Variants in TBC1D14 observed in about 807,000 individuals in gnomAD.
TBC1D14 encodes the protein TBC1 domain family, member 14.
TBC1D14 carries 26 observed loss-of-function variants against 79.0 expected under a neutral mutation model. That is an observed-to-expected ratio of 0.33 (90% CI 0.24 to 0.46). TBC1D14 has a LOEUF of 0.46. TBC1D14 is among the 20% of genes least tolerant of loss of function. TBC1D14 has a pLI of 1.00. For synonymous variants in TBC1D14, 394 were observed against 349.9 expected, an observed-to-expected ratio of 1.13 and a Z score of -1.40; for missense variants, 769 against 887.6, an observed-to-expected ratio of 0.87 and a Z score of 1.70.
Position 7,007,155 on chromosome 4 carries a change from G to A in TBC1D14, c.1446+429G>A, listed in dbSNP as rs189466682. On this transcript the variant is annotated intron_variant, in intron 9 of 13. Coordinates refer to ENST00000409757, the MANE Select transcript of TBC1D14 (RefSeq NM_020773.3). Reference sequence around the variant, plus strand: ...CAGTGCAGTGAGCCCGTGTGAGAAAGGGAAATCCCTGGCAGCCTGGGTGGG... The same window carrying A: ...CAGTGCAGTGAGCCCGTGTGAGAAAAGGAAATCCCTGGCAGCCTGGGTGGG... Among the ~76,000 whole-genome samples the A allele has an allele frequency of 4.2e-4, 64 of 152,306 alleles. 1 individual carries two copies. The East Asian group carries it at 0.012, about 29-fold the overall frequency.
chr4:6,921,182 G>T (rs1386722936), intron 1 of TBC1D14, among the ~76,000 whole-genome samples: 1 of 152,140 alleles, frequency 6.6e-6, no homozygotes, highest in Admixed American at 6.5e-5. Context: ...TTCCTCATTT[G>T]TCTTAGGCCA....
intron 2 of TBC1D14, among the ~76,000 whole-genome samples, chr4:6,941,872 A>G (rs1712941994): frequency 6.6e-6 from 1 of 152,190 alleles, no homozygotes; most frequent in Non-Finnish European, 1.5e-5. Context: ...GTGTGTGTTT[A>G]GGTCCTTTGC....
intron 2 of TBC1D14, among the ~76,000 whole-genome samples, chr4:6,965,308 C>A (rs970920667): frequency 2.0e-5 from 3 of 152,198 alleles, no homozygotes; most frequent in Admixed American, 2.0e-4. Flanking sequence ...CAGGCATGAG[C>A]CACTGCACCT....
chr4:6,951,169 A>G (rs1033890608), intron 2 of TBC1D14, among the ~76,000 whole-genome samples: 11 of 152,070 alleles, frequency 7.2e-5, no homozygotes, highest in Non-Finnish European at 2.9e-5. Context: ...GCAGGCACCT[A>G]TAATCCCAGC....
intron 2 of TBC1D14, among the ~76,000 whole-genome samples, chr4:6,942,722 G>A (rs1168572409): frequency 1.3e-5 from 2 of 152,018 alleles, no homozygotes; most frequent in East Asian, 1.9e-4. Flanking sequence ...TGCCTTCCCC[G>A]CCCCCACATC....
intron 3 of TBC1D14, among the ~76,000 whole-genome samples, chr4:6,978,253 A>G (rs1361114520): frequency 6.8e-6 from 1 of 147,536 alleles, no homozygotes; most frequent in East Asian, 2.0e-4. Context: ...TCAACAGCTC[A>G]TTGAGAACGG....
At chr4:7,003,793 G>A (rs1300325050) in intron 7 of TBC1D14, among the ~76,000 whole-genome samples, 2 of 151,956 alleles carry the variant, frequency 1.3e-5, no homozygotes, top group Admixed American at 1.3e-4. Flanking sequence ...CCTGAGGTCA[G>A]GAGTTTGAGA....
intron 2 of TBC1D14, among the ~76,000 whole-genome samples, chr4:6,957,465 C>T (rs562927442): frequency 1.6e-4 from 25 of 152,280 alleles, no homozygotes; most frequent in African/African-American, 6.0e-4. Flanking sequence ...CGTCTCCTTG[C>T]TCTGTAAAGG....
intron 1 of TBC1D14, among the ~76,000 whole-genome samples, chr4:6,915,881 G>T (rs1444807411): frequency 3.3e-5 from 5 of 151,804 alleles, no homozygotes; most frequent in African/African-American, 1.2e-4. Context: ...TTGGCAGGCC[G>T]AGGTGGGCAG....
chr4:6,967,485 A>G (rs1445422475), intron 3 of TBC1D14, 61 bp downstream of exon 3: 4 of 1,569,858 alleles, frequency 2.5e-6, no homozygotes, highest in African/African-American at 1.4e-5. Context: ...ATATTCATGA[A>G]CCTTGCAAAA....
intron 2 of TBC1D14, among the ~76,000 whole-genome samples, chr4:6,927,953 C>G (rs1724418589): frequency 6.6e-6 from 1 of 151,698 alleles, no homozygotes; most frequent in Admixed American, 6.6e-5. Context: ...ATTTAGAAAC[C>G]CAGACAGCAA....
intron 7 of TBC1D14, among the ~76,000 whole-genome samples, chr4:7,002,131 G>A (rs1719735072): frequency 2.0e-5 from 3 of 152,140 alleles, no homozygotes; most frequent in Admixed American, 6.5e-5. Context: ...CTCCCCTCAC[G>A]CCCTCACGGA....
intron 10 of TBC1D14, among the ~76,000 whole-genome samples, 188 bp from the exon 11 acceptor site, chr4:7,010,465 C>T (rs942311227): frequency 1.3e-5 from 2 of 151,968 alleles, no homozygotes; most frequent in African/African-American, 4.8e-5. Context: ...GAGAGCAGGC[C>T]GGGTGGCTGG....
At chr4:7,013,386 G>A (rs971181794) in intron 11 of TBC1D14, among the ~76,000 whole-genome samples, 2 of 152,248 alleles carry the variant, frequency 1.3e-5, no homozygotes, top group African/African-American at 4.8e-5. Context: ...CGGATGCACA[G>A]ACACCAGAGT....
chr4:6,965,387 T>A (rs1161099100), intron 2 of TBC1D14, among the ~76,000 whole-genome samples: 2 of 152,178 alleles, frequency 1.3e-5, no homozygotes, highest in South Asian at 2.1e-4. Flanking sequence ...GACATTGACA[T>A]TTTGAGAGCT....
intron 3 of TBC1D14, among the ~76,000 whole-genome samples, chr4:6,991,374 C>T (rs1376661327): frequency 6.6e-6 from 1 of 152,134 alleles, no homozygotes; most frequent in African/African-American, 2.4e-5. Flanking sequence ...GGCCTGTGAC[C>T]CAGCTTCCCC....
chr4:7,012,197 G>A (rs1321334817), intron 11 of TBC1D14, among the ~76,000 whole-genome samples: 1 of 151,886 alleles, frequency 6.6e-6, no homozygotes, highest in East Asian at 2.0e-4. Flanking sequence ...AGCTAGTCGG[G>A]AGACTGAGGC....
intron 1 of TBC1D14, 197 bp downstream of exon 1, chr4:6,910,148 C>T (rs961573802): frequency 3.3e-5 from 5 of 151,278 alleles, no homozygotes; most frequent in South Asian, 4.1e-4. Context: ...GCGTGGCGCC[C>T]GGGGTGCCGT....
intron 9 of TBC1D14, among the ~76,000 whole-genome samples, 197 bp downstream of exon 9, chr4:7,006,923 T>C (rs1441236596): frequency 6.6e-6 from 1 of 152,222 alleles, no homozygotes; most frequent in African/African-American, 2.4e-5. Context: ...ATATTTACTA[T>C]GTCCATACTT....
Sources: gnomAD v4.1 joint callset for allele counts (sites outside exome capture counted in the v4.1 genomes callset) on GRCh38, gnomAD v4.1.1 for gene constraint, MANE v1.5 for transcripts, NCBI Gene and HGNC (gene_info 2026-07-23, HGNC 2026-07-21) for gene names.